Variants in BOC observed in about 807,000 individuals in gnomAD.
BOC encodes the protein BOC cell adhesion associated, oncogene regulated.
A neutral mutation model predicts 112.0 loss-of-function variants in BOC; 76 were observed. The ratio of observed to expected loss-of-function variants is 0.68; its 90% CI spans 0.56 to 0.82. The LOEUF (loss-of-function observed/expected upper bound fraction) is 0.82. Ranked by LOEUF, BOC falls within the 40% of genes least tolerant of loss-of-function variation. BOC has a pLI of 0.00. For missense variants in BOC, 1,309 were observed against 1,511.7 expected, an observed-to-expected ratio of 0.87 and a Z score of 2.22; for synonymous variants, 580 against 599.8, an observed-to-expected ratio of 0.97 and a Z score of 0.48.
chr3:113,278,753 A>G lies in BOC; in HGVS notation c.1786A>G (p.Ser596Gly), dbSNP rs1478482862. Reference sequence around the variant, plus strand: ...CGACCCTGGAGCCAGTCCCCAGAGCAGCAGCCAGCCAGACCACGGCCGCCT... The same window carrying G: ...CGACCCTGGAGCCAGTCCCCAGAGCGGCAGCCAGCCAGACCACGGCCGCCT... ...RDDPGASPQS[S>G]SQPDHGRLSP... Residue 596 changes from serine to glycine, a missense_variant, in exon 11 of 20, where the codon AGC (serine) becomes GGC (glycine). Ser to Gly is a moderately conservative substitution (Grantham distance 56). Coordinates refer to ENST00000682979, the MANE Select transcript of BOC (RefSeq NM_001378074.1). This position sits in a 1 kb window ranked among gnomAD's most constrained non-coding sequence, Gnocchi z 4.2. The G allele has an allele frequency of 1.9e-6, 3 of 1,562,276 alleles. No individual in the cohort carries two copies. In the South Asian group the frequency reaches 3.5e-5, roughly 18 times the overall value.
rs755349139 is a variant in BOC, at chr3:113,280,027, CT to C, written c.2205+23del. The C allele has an allele frequency of 1.9e-6, 3 of 1,584,168 alleles. No individual in the cohort carries two copies. The African/African-American group carries it at 4.0e-5, about 21-fold the overall frequency. On this transcript the variant is annotated intron_variant, in intron 13 of 19. Transcript: ENST00000682979. ...GATGGTAAGCGGGCCTGGCCGTGGA[CT>C]GCAGTGGAAGACGGCCTCCCCTAAA...
At chr3:113,219,135 C>T (rs1172076882) in intron 2 of BOC, among the ~76,000 whole-genome samples, 1 of 152,230 alleles carries the variant, frequency 6.6e-6, no homozygotes, top group Admixed American at 6.5e-5. Flanking sequence ...AAGGAGCACA[C>T]ACAAGCAGCA....
intron 1 of BOC, chr3:113,212,742 G>A (rs894929133): frequency 1.3e-5 from 2 of 152,428 alleles, no homozygotes; most frequent in Admixed American, 1.3e-4. Context: ...GTACGTGTGT[G>A]CGCGCGCGTG....
At chr3:113,265,918 A>C (rs1279364677) in intron 4 of BOC, among the ~76,000 whole-genome samples, 1 of 152,252 alleles carries the variant, frequency 6.6e-6, no homozygotes, top group Non-Finnish European at 1.5e-5. Context: ...GGATTTAGAA[A>C]GCATTTGCTG....
chr3:113,262,892 C>G (rs906819711), intron 4 of BOC, among the ~76,000 whole-genome samples: 4 of 152,236 alleles, frequency 2.6e-5, no homozygotes, highest in South Asian at 2.1e-4. Context: ...TGTCAGGGAC[C>G]CTTTGTCTTC....
Position 113,283,641 on chromosome 3 carries a change from G to A in BOC, c.2656+9G>A, listed in dbSNP as rs763447259. ...GGCCTGGTCTAAGCAAAGTGAGTGA[G>A]TGACGCTTTCAGTGGGAGGATCCTG... On this transcript the variant is annotated intron_variant, in intron 16 of 19. Transcript: ENST00000682979. 1 of 1,610,668 alleles carries A rather than the reference G, an allele frequency of 6.2e-7. No individual in the cohort carries two copies. The highest frequency in any genetic ancestry group is 1.7e-5 in the Admixed American group (1 of 59,980).
intron 13 of BOC, among the ~76,000 whole-genome samples, 171 bp from the exon 14 acceptor site, chr3:113,280,387 T>A (rs1233857098): frequency 6.6e-6 from 1 of 152,178 alleles, no homozygotes; most frequent in Non-Finnish European, 1.5e-5. Flanking sequence ...TAATGAGTAA[T>A]CTTTACAACA....
intron 4 of BOC, among the ~76,000 whole-genome samples, chr3:113,263,679 T>C (rs555079624): frequency 8.5e-5 from 13 of 152,360 alleles, no homozygotes; most frequent in East Asian, 3.9e-4. Flanking sequence ...ATTTGTGTTA[T>C]GAGAATGCAT....
At position 113,251,006 on chromosome 3, in the gene BOC, C is replaced by A. The variant is rs536992776; in HGVS notation, c.376+173C>A. 1,480 of 803,478 alleles carry A rather than the reference C, an allele frequency of 1.8e-3. 2 individuals carry two copies. The highest frequency in any genetic ancestry group is 2.6e-3 in the Admixed American group (97 of 36,794). The allele number at this position is 803,478 out of a possible 1,614,324, so 49.8% of individuals were successfully genotyped here. ...CTAGTAATGCCCAGTGATGGGGGAC[C>A]CTTGTGCCCTTGGAAAACCTCACTC... On this transcript the variant is annotated intron_variant, in intron 4 of 19. Coordinates refer to ENST00000682979, the MANE Select transcript of BOC (RefSeq NM_001378074.1).
intron 4 of BOC, 119 bp from the exon 5 acceptor site, chr3:113,268,178 CCT>C: frequency 6.9e-7 from 1 of 1,445,496 alleles, no homozygotes; most frequent in African/African-American, 1.4e-5. Context: ...CGGAGGATCC[CCT>C]GATATCCCCC....
intron 2 of BOC, among the ~76,000 whole-genome samples, chr3:113,216,817 G>A (rs764500393): frequency 2.0e-5 from 3 of 152,202 alleles, no homozygotes; most frequent in Non-Finnish European, 2.9e-5. Context: ...GGAAATCAGA[G>A]CAGAAAGACA....
rs375897461 is a variant in BOC, at chr3:113,272,714, G to A, written c.961+11G>A. The A allele has an allele frequency of 2.5e-6, 4 of 1,611,976 alleles. No individual in the cohort carries two copies. The African/African-American group carries it at 4.0e-5, about 16-fold the overall frequency. On this transcript the variant is annotated intron_variant, in intron 7 of 19. Coordinates refer to ENST00000682979, the MANE Select transcript of BOC (RefSeq NM_001378074.1). Reference sequence around the variant, plus strand: ...ATGTCCAGGTGTTTGGTGAGTGTCTGCTGTGGACTGTCTTCTGCTTGGCCT... The same window carrying A: ...ATGTCCAGGTGTTTGGTGAGTGTCTACTGTGGACTGTCTTCTGCTTGGCCT...
rs1371167091 is a variant in BOC at position 113,278,640 on chromosome 3, C to G, written c.1706-33C>G. 3 of 1,529,316 alleles carry G rather than the reference C, an allele frequency of 2.0e-6. No homozygotes were observed. Among genetic ancestry groups the G allele is most frequent in the Non-Finnish European group, 2.7e-6 (3 of 1,126,808 alleles). The allele number at this position is 1,529,316 out of a possible 1,614,324, so 94.7% of individuals were successfully genotyped here. A position where few individuals can be genotyped will look rare whatever the true frequency, so the allele number is the denominator to read the frequency against. ...GGGAGGGAGATCTCATGCCTGCTTC[C>G]TCCCTTGCTGACTACAACCCATTTC... On this transcript the variant is annotated intron_variant, in intron 10 of 19. Coordinates refer to ENST00000682979, the MANE Select transcript of BOC (RefSeq NM_001378074.1). This position sits in a 1 kb window ranked among gnomAD's most constrained non-coding sequence, Gnocchi z 4.2.
At position 113,286,735 on chromosome 3, in the gene BOC, A is replaced by G; in HGVS notation, c.3221A>G (p.Gln1074Arg). ...VEEVDSPDSC[Q>R]VSGGDWCPQH... ...GAGGTGGACAGTCCTGACTCCTGCC[A>G]AGTGAGTGGAGGAGACTGGTGTCCC... Residue 1074 changes from glutamine (Q) to arginine (R), a missense_variant, in exon 20 of 20, where the codon CAA becomes CGA. Coordinates refer to ENST00000682979, the MANE Select transcript of BOC (RefSeq NM_001378074.1). 1.2e-6 allele frequency: 2 copies of G among 1,613,548 alleles called. No homozygotes were observed. Among genetic ancestry groups the G allele is most frequent in the Non-Finnish European group, 1.7e-6 (2 of 1,179,676 alleles).
At chr3:113,269,809 C>T (rs1180301496) in intron 5 of BOC, 1 of 152,244 alleles carries the variant, frequency 6.6e-6, no homozygotes, top group African/African-American at 2.4e-5. Flanking sequence ...TTCTCCCACT[C>T]CATCTGGCAC....
rs1249544308 is a variant in BOC, at chr3:113,250,606, G to C, written c.149G>C (p.Gly50Ala). 6.8e-6 allele frequency: 11 copies of C among 1,614,072 alleles called. No individual in the cohort carries two copies. The highest frequency in any genetic ancestry group is 1.3e-5 in the African/African-American group (1 of 74,934). ...CCTGCGTCCACCGTCCAGAAGCCCG[G>C]AGGCACTGTGATCTTGGGCTGCGTG... is the stretch of plus-strand genomic sequence containing the variant. ...VQPASTVQKP[G>A]GTVILGCVVE... The change falls in exon 4 of 20, where the codon GGA (glycine) becomes GCA (alanine). Residue 50 changes from glycine to alanine, a missense_variant. Transcript: ENST00000682979.
intron 4 of BOC, among the ~76,000 whole-genome samples, chr3:113,265,892 T>G (rs1379774826): frequency 6.6e-6 from 1 of 152,220 alleles, no homozygotes; most frequent in Non-Finnish European, 1.5e-5. Flanking sequence ...CCTTCCAAAC[T>G]GTATTTATTT....
chr3:113,252,752 C>T (rs1298457960), intron 4 of BOC, among the ~76,000 whole-genome samples: 1 of 152,190 alleles, frequency 6.6e-6, no homozygotes, highest in Non-Finnish European at 1.5e-5. Context: ...TTGGAGCCCC[C>T]CTCACAGTGG....
chr3:113,279,531 C>T (rs1948990306), intron 12 of BOC, 76 bp downstream of exon 12: 2 of 1,411,972 alleles, frequency 1.4e-6, no homozygotes, highest in Non-Finnish European at 1.9e-6. Context: ...GATGACGAGC[C>T]TGGGATCCCC....
Sources: gnomAD v4.1 joint callset for allele counts (sites outside exome capture counted in the v4.1 genomes callset) on GRCh38, gnomAD v4.1.1 for gene constraint, Gnocchi (gnomAD v3.1) non-coding constraint, MANE v1.5 for transcripts, NCBI Gene and HGNC (gene_info 2026-07-23, HGNC 2026-07-21) for gene names.